ELFN1: variants seen among roughly 807,000 people sequenced by gnomAD.
The protein encoded by ELFN1 is extracellular leucine rich repeat and fibronectin type III domain containing 1, also known as protein ELFN1.
ELFN1 carries 6 observed loss-of-function variants against 7.6 expected under a neutral mutation model. That is an observed-to-expected ratio of 0.79 (90% CI 0.43 to 1.56). ELFN1 has a LOEUF of 1.56. ELFN1 is among the 40% of genes most tolerant of loss of function. The pLI is 0.01. For missense variants in ELFN1, 1,169 were observed against 1,232.2 expected (o/e 0.95, Z 0.77); for synonymous variants, 657 against 588.1 (o/e 1.12, Z -1.70).
At chr7:1,710,330 G>A (rs768517374) in intron 3 of ELFN1, among the ~76,000 whole-genome samples, 1 of 152,240 alleles carries the variant, frequency 6.6e-6, no homozygotes, top group Non-Finnish European at 1.5e-5. Context: ...CTCGTGGTCA[G>A]ATGGTTCCCC....
intron 2 of ELFN1, among the ~76,000 whole-genome samples, chr7:1,700,187 T>C (rs543432735): frequency 1.6e-3 from 250 of 152,202 alleles, no homozygotes; most frequent in South Asian, 3.3e-3. Context: ...AGGTGTAGAC[T>C]GTGAGCTGGA....
Position 1,746,591 on chromosome 7 carries a change from C to G in ELFN1, c.1995C>G (p.Ala665=), listed in dbSNP as rs1290533657. The change falls in exon 4 of 4, where the codon GCC becomes GCG. Residue 665 remains alanine (A), a synonymous_variant. Coordinates refer to ENST00000424383, the MANE Select transcript of ELFN1 (RefSeq NM_001128636.4). ...TCGGGGTGCACAAGGCCGCGGCCGCCGAGGCCAAGTACATCGAGAAGGGCT... is the reference window on the plus strand; with the variant it reads ...TCGGGGTGCACAAGGCCGCGGCCGCGGAGGCCAAGTACATCGAGAAGGGCT... The part of the protein sequence containing the change: ...EAVGVHKAAA[A]EAKYIEKGSP... 17 of 1,346,104 alleles carry G rather than the reference C, an allele frequency of 1.3e-5. No individual in the cohort carries two copies. Among genetic ancestry groups the G allele is most frequent in the African/African-American group, 6.2e-5 (4 of 64,256 alleles). The allele number at this position is 1,346,104 out of a possible 1,614,324, so 83.4% of individuals were successfully genotyped here. A position where few individuals can be genotyped will look rare whatever the true frequency, so the allele number is the denominator to read the frequency against.
intron 3 of ELFN1, among the ~76,000 whole-genome samples, chr7:1,726,742 G>C (rs1279913846): frequency 6.6e-6 from 1 of 152,182 alleles, no homozygotes; most frequent in Non-Finnish European, 1.5e-5. Context: ...AGAGGGGAGG[G>C]GCCGTCGTCC....
In ELFN1 at chr7:1,705,935, G is replaced by A. The variant is rs1372782893; in HGVS notation, c.-455-3156G>A. ...GCGGTTCCAGACGAGATTGAACTGT[G>A]AGCCTTCACCCTGACAAAGGGATGG... On this transcript the variant is annotated intron_variant, in intron 2 of 3. Transcript: ENST00000424383. The surrounding 1 kb of genome is among the most constrained non-coding windows in gnomAD (Gnocchi z 4.3). 6.6e-6 allele frequency among the ~76,000 whole-genome samples: 1 copy of A among 152,212 alleles called. No homozygotes were observed. Among genetic ancestry groups the A allele is most frequent in the Non-Finnish European group, 1.5e-5 (1 of 68,046 alleles).
chr7:1,713,740 CCT>C (rs1335680130), intron 3 of ELFN1, among the ~76,000 whole-genome samples: 7 of 152,188 alleles, frequency 4.6e-5, no homozygotes, highest in Admixed American at 2.6e-4. Flanking sequence ...TCTCGGTTTC[CCT>C]CTCTGGGGAG....
chr7:1,702,466 G>C (rs546024901), intron 2 of ELFN1, among the ~76,000 whole-genome samples: 2 of 149,622 alleles, frequency 1.3e-5, no homozygotes, highest in African/African-American at 2.5e-5. Flanking sequence ...ACTCCACCTT[G>C]TTCTTTTTAT....
intron 2 of ELFN1, among the ~76,000 whole-genome samples, chr7:1,707,810 C>T (rs1779567319): frequency 6.6e-6 from 1 of 152,114 alleles, no homozygotes; most frequent in Admixed American, 6.5e-5. Context: ...AATTACATGC[C>T]ACTCACTCAT....
intron 2 of ELFN1, among the ~76,000 whole-genome samples, chr7:1,700,898 C>A (rs945186497): frequency 4.6e-5 from 7 of 152,210 alleles, no homozygotes; most frequent in African/African-American, 1.2e-4. Flanking sequence ...TGGATGCCCT[C>A]ATTTGTGAAA....
Position 1,745,951 on chromosome 7 carries a change from A to C in ELFN1, c.1355A>C (p.Lys452Thr), listed in dbSNP as rs1400981638. 6.4e-7 allele frequency: 1 copy of C among 1,550,528 alleles called. No individual in the cohort carries two copies. Among genetic ancestry groups the C allele is most frequent in the South Asian group, 1.2e-5 (1 of 84,192 alleles). Residue 452 changes from lysine (K) to threonine (T), a missense_variant, in exon 4 of 4, where the codon AAG becomes ACG. Physicochemically the swap from Lys to Thr is moderately conservative, Grantham distance 78 (BLOSUM62 -1). This residue lies in a region of ELFN1 where 914 missense variants were observed against 872.6 expected (regional missense o/e 1.05). Transcript: ENST00000424383. ...RRRRQEEKHK[K>T]AASAAAAGSL... ...CGGCGCCAGGAGGAGAAGCACAAGA[A>C]GGCCGCCTCGGCAGCCGCAGCTGGC...
chr7:1,708,748 C>T (rs1479030910), intron 2 of ELFN1, among the ~76,000 whole-genome samples: 1 of 152,096 alleles, frequency 6.6e-6, no homozygotes, highest in Non-Finnish European at 1.5e-5. Flanking sequence ...CCACCTTTAC[C>T]CCAAACACCT....
chr7:1,744,850 A>G lies in ELFN1; in HGVS notation c.254A>G (p.Asn85Ser). 1.3e-6 allele frequency: 2 copies of G among 1,574,002 alleles called. No individual in the cohort carries two copies. Among genetic ancestry groups the G allele is most frequent in the Non-Finnish European group, 1.7e-6 (2 of 1,158,922 alleles). Residue 85 changes from asparagine (N) to serine (S), a missense_variant, in exon 4 of 4, where the codon AAC becomes AGC. Transcript: ENST00000424383. ...VQYASLSRFG[N>S]LTYLNLTKNE... ...TACGCCTCGCTCAGCCGCTTTGGCAACCTCACGTACCTCAACCTCACCAAG... is the reference window on the plus strand; with the variant it reads ...TACGCCTCGCTCAGCCGCTTTGGCAGCCTCACGTACCTCAACCTCACCAAG...
intron 2 of ELFN1, among the ~76,000 whole-genome samples, chr7:1,698,274 T>A (rs374237148): frequency 6.6e-6 from 1 of 152,244 alleles, no homozygotes; most frequent in African/African-American, 2.4e-5. Flanking sequence ...AGCTCTCATA[T>A]ACAATTCATC....
chr7:1,670,331 C>T lies in ELFN1; in HGVS notation c.-572C>T, dbSNP rs1422193058. Among the ~76,000 whole-genome samples the T allele has an allele frequency of 6.6e-6, 1 of 151,154 alleles. No homozygotes were observed. Among genetic ancestry groups the T allele is most frequent in the Non-Finnish European group, 1.5e-5 (1 of 67,602 alleles). ...GACGGCGGCGGCTGCGGGCGCAGCC[C>T]CGGAACCGAGGCCGGGCGGGCAGGT... On this transcript the variant is annotated 5_prime_UTR_variant, in exon 1 of 4. Transcript: ENST00000424383. The surrounding 1 kb of genome is among the most constrained non-coding windows in gnomAD (Gnocchi z 6.4).
chr7:1,686,078 G>A (rs1017625218), intron 1 of ELFN1, among the ~76,000 whole-genome samples: 4 of 150,356 alleles, frequency 2.7e-5, no homozygotes, highest in Non-Finnish European at 4.4e-5. Flanking sequence ...TTCTGAGTAT[G>A]GGTCACCCTT....
intron 2 of ELFN1, chr7:1,694,101 G>A (rs1779245043): frequency 1.2e-5 from 3 of 250,382 alleles, no homozygotes; most frequent in African/African-American, 4.4e-5. Flanking sequence ...AAGAGAAACC[G>A]AGGCTTGAAG....
intron 1 of ELFN1, among the ~76,000 whole-genome samples, chr7:1,679,123 CCACAT>C (rs1351336049): frequency 6.6e-6 from 1 of 152,088 alleles, no homozygotes; most frequent in African/African-American, 2.4e-5. Flanking sequence ...AGCCCACCCC[CCACAT>C]ACACACACAC....
In ELFN1 at chr7:1,744,819, G is replaced by T. The variant is rs770385203; in HGVS notation, c.223G>T (p.Val75Leu). 6.4e-7 allele frequency: 1 copy of T among 1,567,524 alleles called. No homozygotes were observed. Among genetic ancestry groups the T allele is most frequent in the Non-Finnish European group, 8.7e-7 (1 of 1,155,428 alleles). The change falls in exon 4 of 4, where the codon GTG becomes TTG. Residue 75 changes from valine (V) to leucine (L), a missense_variant. Physicochemically the swap from Val to Leu is conservative, Grantham distance 32. Transcript: ENST00000424383. ...LRLNENRIRS[V>L]QYASLSRFGN... Reference sequence around the variant, plus strand: ...GCTCAACGAGAACCGTATCCGCAGCGTGCAGTACGCCTCGCTCAGCCGCTT... The same window carrying T: ...GCTCAACGAGAACCGTATCCGCAGCTTGCAGTACGCCTCGCTCAGCCGCTT...
At position 1,720,834 on chromosome 7, in the gene ELFN1, G is replaced by A. The variant is rs377307438; in HGVS notation, c.-294+11582G>A. ...TCACTGTATTATCGTCTGAAGTAAC[G>A]ATTACTAAATAGTGAGCATTAACTC... is the stretch of plus-strand genomic sequence containing the variant. On this transcript the variant is annotated intron_variant, in intron 3 of 3. Coordinates refer to ENST00000424383, the MANE Select transcript of ELFN1 (RefSeq NM_001128636.4). 6.0e-5 allele frequency among the ~76,000 whole-genome samples: 9 copies of A among 149,694 alleles called. No homozygotes were observed. The South Asian group carries it at 8.4e-4, about 14-fold the overall frequency.
At chr7:1,684,174 C>G (rs1367772318) in intron 1 of ELFN1, among the ~76,000 whole-genome samples, 1 of 152,110 alleles carries the variant, frequency 6.6e-6, no homozygotes, top group Non-Finnish European at 1.5e-5. Flanking sequence ...TTACCTACTC[C>G]AGTTCTGTTA....
Sources: gnomAD v4.1 joint callset for allele counts (sites outside exome capture counted in the v4.1 genomes callset) on GRCh38, gnomAD v4.1.1 for gene constraint, gnomAD v4.1.1 regional missense constraint, Gnocchi (gnomAD v3.1) non-coding constraint, MANE v1.5 for transcripts, NCBI Gene and HGNC (gene_info 2026-07-23, HGNC 2026-07-21) for gene names.